ZFPM2: variants seen among roughly 807,000 people sequenced by gnomAD.
ZFPM2 encodes zinc finger protein, FOG family member 2, also known as zinc finger protein ZFPM2.
In ZFPM2, 20 loss-of-function variants were observed where a neutral mutation model predicts 98.6. The ratio of observed to expected loss-of-function variants is 0.20; its 90% CI spans 0.14 to 0.29. The LOEUF is 0.29. Among genes scored for constraint, ZFPM2 ranks in the 10% least tolerant of loss-of-function variants. The probability of loss-of-function intolerance (pLI) is 1.00; values close to 1 mark genes in which losing one functional copy is unlikely to be tolerated. For missense variants in ZFPM2, 1,310 were observed against 1,388.6 expected (o/e 0.94, Z 0.90); for synonymous variants, 518 against 502.7 (o/e 1.03, Z -0.41).
At chr8:105,389,653 A>G (rs952419821) in intron 1 of ZFPM2, among the ~76,000 whole-genome samples, 1 of 152,342 alleles carries the variant, frequency 6.6e-6, no homozygotes, top group East Asian at 1.9e-4. Context: ...TAGAATTTCA[A>G]CCCAGCTCTG....
At chr8:105,361,415 T>G (rs1207666866) in intron 1 of ZFPM2, among the ~76,000 whole-genome samples, 9 of 150,408 alleles carry the variant, frequency 6.0e-5, no homozygotes. Flanking sequence ...TCTCCCATTT[T>G]GTAGGTTGCC....
At chr8:105,546,534 A>G (rs1277482023) in intron 3 of ZFPM2, among the ~76,000 whole-genome samples, 1 of 147,522 alleles carries the variant, frequency 6.8e-6, no homozygotes, top group African/African-American at 2.5e-5. Context: ...GCACCATTGC[A>G]CTCCAGCCTG....
At chr8:105,372,458 G>A (rs2129821939) in intron 1 of ZFPM2, among the ~76,000 whole-genome samples, 1 of 152,186 alleles carries the variant, frequency 6.6e-6, no homozygotes, top group East Asian at 1.9e-4. Flanking sequence ...ACTTTTGAAG[G>A]TTTGAAATAT....
At chr8:105,662,829 C>T (rs575638167) in intron 5 of ZFPM2, 1 of 152,092 alleles carries the variant, frequency 6.6e-6, no homozygotes, top group Non-Finnish European at 1.5e-5. Flanking sequence ...TTGGGGCTGT[C>T]CCTTCTGATG....
chr8:105,702,627 A>T (rs527554254), intron 5 of ZFPM2, among the ~76,000 whole-genome samples: 1 of 152,232 alleles, frequency 6.6e-6, no homozygotes, highest in Admixed American at 6.5e-5. Flanking sequence ...CAAGTGTTTC[A>T]GTGTGGTAAA....
intron 3 of ZFPM2, among the ~76,000 whole-genome samples, chr8:105,548,909 A>G (rs924862798): frequency 1.3e-5 from 2 of 152,216 alleles, no homozygotes; most frequent in Non-Finnish European, 1.5e-5. Context: ...TAAGTGTTTA[A>G]CAAATAATTT....
intron 4 of ZFPM2, among the ~76,000 whole-genome samples, chr8:105,572,815 A>G (rs1233110255): frequency 2.0e-5 from 3 of 152,136 alleles, no homozygotes; most frequent in Non-Finnish European, 4.4e-5. Context: ...CAATTTTCTC[A>G]TAAAACCCCT....
At chr8:105,623,304 G>GA (rs932058410) in intron 4 of ZFPM2, among the ~76,000 whole-genome samples, 1 of 152,056 alleles carries the variant, frequency 6.6e-6, no homozygotes, top group Non-Finnish European at 1.5e-5. Flanking sequence ...TTTGGAGGGG[G>GA]ATCCCCTTCT....
At chr8:105,706,765 A>G (rs1198871902) in intron 5 of ZFPM2, among the ~76,000 whole-genome samples, 2 of 152,028 alleles carry the variant, frequency 1.3e-5, no homozygotes, top group African/African-American at 2.4e-5. Flanking sequence ...TTTTTAGTAG[A>G]AACGGGGTTT....
intron 5 of ZFPM2, among the ~76,000 whole-genome samples, chr8:105,652,927 G>A (rs1817209308): frequency 6.6e-6 from 1 of 152,114 alleles, no homozygotes; most frequent in South Asian, 2.1e-4. Flanking sequence ...AGTCTTCAAT[G>A]TTGCTATGTT....
intron 5 of ZFPM2, among the ~76,000 whole-genome samples, chr8:105,682,705 G>A (rs1810637261): frequency 2.0e-5 from 3 of 152,086 alleles, no homozygotes; most frequent in Non-Finnish European, 4.4e-5. Flanking sequence ...ATATCTACTT[G>A]CAAGGGAAGC....
At chr8:105,456,731 G>A (rs1812600227) in intron 3 of ZFPM2, among the ~76,000 whole-genome samples, 1 of 152,134 alleles carries the variant, frequency 6.6e-6, no homozygotes, top group African/African-American at 2.4e-5. Context: ...GGAGTGCAGT[G>A]GCATGATCTC....
At chr8:105,771,191 T>A (rs1812972306) in intron 5 of ZFPM2, among the ~76,000 whole-genome samples, 1 of 152,142 alleles carries the variant, frequency 6.6e-6, no homozygotes, top group Non-Finnish European at 1.5e-5. Flanking sequence ...TCGCCCAACT[T>A]GTTATGCTGT....
intron 1 of ZFPM2, among the ~76,000 whole-genome samples, chr8:105,354,507 C>T (rs1465341348): frequency 6.6e-6 from 1 of 151,912 alleles, no homozygotes; most frequent in East Asian, 1.9e-4. Flanking sequence ...TGTTTTAAAC[C>T]CTGAGTATTT....
intron 5 of ZFPM2, among the ~76,000 whole-genome samples, chr8:105,705,457 A>G (rs1811232559): frequency 2.0e-5 from 3 of 152,148 alleles, no homozygotes; most frequent in South Asian, 4.1e-4. Context: ...CATTCTACCT[A>G]TCAGGGAAGG....
intron 1 of ZFPM2, among the ~76,000 whole-genome samples, chr8:105,370,222 T>G (rs1374944637): frequency 6.6e-6 from 1 of 152,144 alleles, no homozygotes; most frequent in African/African-American, 2.4e-5. Context: ...TTTCACATGG[T>G]TATGCAGAAG....
In ZFPM2 at chr8:105,803,792, TTTATA is replaced by T. The variant is rs1448117620; in HGVS notation, c.*258_*262del. 5 of 432,738 alleles carry T rather than the reference TTTATA, an allele frequency of 1.2e-5. No homozygotes were observed. The East Asian group carries it at 1.3e-4, about 11-fold the overall frequency. 26.8% of individuals were successfully genotyped at this position (432,738 alleles called of 1,614,324 possible). On this transcript the variant is annotated 3_prime_UTR_variant, in exon 8 of 8. Transcript: ENST00000407775. ...GTTATGTTATTTTTTATTTAAAAAC[TTTATA>T]TTAAAGTCATTTGTAATGTTATTGT...
intron 1 of ZFPM2, among the ~76,000 whole-genome samples, chr8:105,359,448 T>G (rs1163978615): frequency 6.6e-6 from 1 of 151,110 alleles, no homozygotes; most frequent in Non-Finnish European, 1.5e-5. Flanking sequence ...TGATCTTGGC[T>G]CACTGCAACC....
At chr8:105,561,637 A>G (rs1164693965) in intron 4 of ZFPM2, among the ~76,000 whole-genome samples, 156 bp downstream of exon 4, 2 of 152,172 alleles carry the variant, frequency 1.3e-5, no homozygotes, top group Non-Finnish European at 2.9e-5. Flanking sequence ...ATACTTTTCA[A>G]GTGGTTTGTG....
Sources: allele counts gnomAD v4.1 joint callset (sites outside exome capture counted in the v4.1 genomes callset), GRCh38; gene constraint gnomAD v4.1.1; transcripts MANE v1.5; gene names NCBI Gene and HGNC (gene_info 2026-07-23, HGNC 2026-07-21).